TMEM232: variants seen among roughly 807,000 people sequenced by gnomAD.
TMEM232 encodes transmembrane protein 232.
Under a neutral mutation model 78.8 loss-of-function variants are expected in TMEM232, and 80 were observed. The ratio of observed to expected loss-of-function variants is 1.01; its 90% CI spans 0.85 to 1.22. TMEM232 has a LOEUF of 1.22. Among genes scored for constraint, TMEM232 ranks in the 50% most tolerant of loss-of-function variants. The probability of loss-of-function intolerance (pLI) is 0.00; values close to 1 mark genes in which losing one functional copy is unlikely to be tolerated. For synonymous variants in TMEM232, 297 were observed against 254.3 expected, an observed-to-expected ratio of 1.17 and a Z score of -1.60; for missense variants, 881 against 742.2, an observed-to-expected ratio of 1.19 and a Z score of -2.17.
chr5:110,667,014 CAT>C (rs1309660025), intron 2 of TMEM232: 6 of 398,186 alleles, frequency 1.5e-5, no homozygotes, highest in African/African-American at 4.2e-5. Context: ...ATTAAGAAAA[CAT>C]ATGAGTATAG....
intron 1 of TMEM232, among the ~76,000 whole-genome samples, chr5:110,698,907 T>C (rs974496980): frequency 6.6e-6 from 1 of 152,070 alleles, no homozygotes; most frequent in Non-Finnish European, 1.5e-5. Flanking sequence ...GCAATTGCGA[T>C]AAAATTGCTC....
intron 12 of TMEM232, among the ~76,000 whole-genome samples, chr5:110,455,039 C>CAATT (rs1440893312): frequency 6.6e-6 from 1 of 151,706 alleles, no homozygotes; most frequent in Non-Finnish European, 1.5e-5. Context: ...ATATTACAAA[C>CAATT]AATTAGATGC....
chr5:110,492,370 A>G (rs1765201353), intron 12 of TMEM232, among the ~76,000 whole-genome samples: 1 of 151,980 alleles, frequency 6.6e-6, no homozygotes, highest in African/African-American at 2.4e-5. Context: ...ATCTTTACCA[A>G]TTTGGAGTTT....
chr5:110,444,592 T>C (rs1299119917), intron 12 of TMEM232, among the ~76,000 whole-genome samples: 1 of 152,208 alleles, frequency 6.6e-6, no homozygotes, highest in Admixed American at 6.5e-5. Flanking sequence ...CTGTGGGGGA[T>C]GGTGAACAGT....
At chr5:110,605,942 T>C (rs534483695) in intron 9 of TMEM232, among the ~76,000 whole-genome samples, 7 of 152,184 alleles carry the variant, frequency 4.6e-5, no homozygotes, top group African/African-American at 1.4e-4. Context: ...TTTCAATAAA[T>C]GAACTTACCC....
intron 3 of TMEM232, 118 bp downstream of exon 3, chr5:110,642,142 T>A: frequency 1.7e-6 from 1 of 572,102 alleles, no homozygotes; most frequent in Non-Finnish European, 2.8e-6. Flanking sequence ...TAACTATCCC[T>A]ACTTATAATT....
rs61018723 is a variant in TMEM232, at chr5:110,605,248, T to C, written c.1137A>G (p.Lys379=). The C allele has an allele frequency of 6.9e-4, 1,071 of 1,551,238 alleles. 5 individuals are homozygous for C. In the African/African-American group the frequency reaches 0.013, roughly 18 times the overall value. The change falls in exon 10 of 14, where the codon AAA becomes AAG. Residue 379 remains lysine (K), a synonymous_variant. Transcript: ENST00000455884. Reference sequence around the variant, plus strand: ...AGTGACAGAAACCAATTAAAGCAGTTTTTCGCAAATCAGAAGTGGCTGCAT... The same window carrying C: ...AGTGACAGAAACCAATTAAAGCAGTCTTTCGCAAATCAGAAGTGGCTGCAT... ...CLYAATSDLR[K]TALIGFCHCK...
At chr5:110,673,294 G>A (rs1332274107) in intron 1 of TMEM232, among the ~76,000 whole-genome samples, 3 of 150,464 alleles carry the variant, frequency 2.0e-5, no homozygotes, top group Non-Finnish European at 4.4e-5. Flanking sequence ...CACACACCAC[G>A]GCCTGTTGTG....
intron 12 of TMEM232, among the ~76,000 whole-genome samples, chr5:110,463,180 C>T (rs952187722): frequency 6.6e-6 from 1 of 152,166 alleles, no homozygotes; most frequent in Non-Finnish European, 1.5e-5. Context: ...GCCACAGCCA[C>T]CCAAATCTTC....
At chr5:110,572,893 A>G (rs1380936244) in intron 10 of TMEM232, among the ~76,000 whole-genome samples, 1 of 152,086 alleles carries the variant, frequency 6.6e-6, no homozygotes, top group Admixed American at 6.6e-5. Context: ...ACATCTAGAC[A>G]TTTGCTGAGA....
chr5:110,723,950 C>A (rs557727518), intron 1 of TMEM232, among the ~76,000 whole-genome samples: 1 of 152,198 alleles, frequency 6.6e-6, no homozygotes, highest in Admixed American at 6.5e-5. Flanking sequence ...AAGATGAAAA[C>A]CACATACAAA....
intron 11 of TMEM232, among the ~76,000 whole-genome samples, chr5:110,556,959 A>C (rs1207767338): frequency 6.6e-6 from 1 of 152,110 alleles, no homozygotes; most frequent in African/African-American, 2.4e-5. Flanking sequence ...AATATCTTCA[A>C]ATATGTTTTC....
intron 1 of TMEM232, among the ~76,000 whole-genome samples, chr5:110,706,061 G>C (rs529409361): frequency 6.6e-6 from 1 of 151,884 alleles, no homozygotes; most frequent in South Asian, 2.1e-4. Flanking sequence ...GTTACTTCTA[G>C]GAAAAAAATA....
intron 12 of TMEM232, among the ~76,000 whole-genome samples, chr5:110,476,576 A>C (rs1763278288): frequency 6.6e-6 from 1 of 152,022 alleles, no homozygotes; most frequent in Non-Finnish European, 1.5e-5. Context: ...ATTCCAAAAA[A>C]ATGGATTTGT....
chr5:110,472,436 G>A (rs774591744), intron 12 of TMEM232, among the ~76,000 whole-genome samples: 4 of 151,876 alleles, frequency 2.6e-5, no homozygotes, highest in Non-Finnish European at 5.9e-5. Context: ...TATATGCAGT[G>A]GAAGAATTAG....
chr5:110,549,648 G>A, intron 11 of TMEM232, among the ~76,000 whole-genome samples: 1 of 145,820 alleles, frequency 6.9e-6, no homozygotes, highest in African/African-American at 2.5e-5. Flanking sequence ...AAGTTCATAA[G>A]GCCTTGGAAT....
chr5:110,538,978 A>T (rs544706906), intron 11 of TMEM232, among the ~76,000 whole-genome samples: 42 of 152,328 alleles, frequency 2.8e-4, no homozygotes, highest in East Asian at 2.5e-3. Context: ...TACAACAGGA[A>T]TTTCTAGTAG....
intron 1 of TMEM232, among the ~76,000 whole-genome samples, chr5:110,699,598 A>C (rs1795204331): frequency 6.6e-6 from 1 of 152,074 alleles, no homozygotes; most frequent in South Asian, 2.1e-4. Context: ...ACAAAGGGGA[A>C]TGATAAAATT....
Position 110,553,074 on chromosome 5 carries a change from T to C in TMEM232, c.1455+15373A>G, listed in dbSNP as rs146623677. 9.1e-3 allele frequency among the ~76,000 whole-genome samples: 1,389 copies of C among 152,288 alleles called. 21 individuals carry two copies. The highest frequency in any genetic ancestry group is 0.032 in the African/African-American group (1,317 of 41,564). On this transcript the variant is annotated intron_variant, in intron 11 of 13. Transcript: ENST00000455884. ...TATGCAGTTTTATTTCTAGGTTCTC[T>C]ATCTTGTTCCATTGGTCTATGTGTC...
Sources: allele counts gnomAD v4.1 joint callset (sites outside exome capture counted in the v4.1 genomes callset), GRCh38; gene constraint gnomAD v4.1.1; transcripts MANE v1.5; gene names NCBI Gene and HGNC (gene_info 2026-07-23, HGNC 2026-07-21).